Variants in HIF1AN observed in about 807,000 individuals in gnomAD.
HIF1AN encodes the protein hypoxia inducible factor 1 subunit alpha inhibitor.
HIF1AN carries 21 observed loss-of-function variants against 47.7 expected under a neutral mutation model. The ratio of observed to expected loss-of-function variants is 0.44; its 90% confidence interval spans 0.31 to 0.63. The LOEUF is 0.63. Among genes scored for constraint, HIF1AN ranks in the 30% least tolerant of loss-of-function variants. The pLI, the probability that HIF1AN is intolerant of heterozygous loss-of-function variation, is 0.07. For missense variants in HIF1AN, 320 were observed against 432.7 expected (o/e 0.74, Z 2.31); for synonymous variants, 152 against 155.9 (o/e 0.98, Z 0.18).
At position 100,558,000 on chromosome 10, in the gene HIF1AN, T is replaced by G. The variant is rs1369015133; in HGVS notation, c.*9863T>G. On this transcript the variant is annotated 3_prime_UTR_variant, in exon 8 of 8. Transcript: ENST00000299163. ...TCAGTTCTGTAAGAGGGAGCATGAG[T>G]GTGAATGGGGAAGAATCATGGAGAA... The G allele has an allele frequency of 1.3e-5, 2 of 151,808 alleles. No homozygotes were observed. The highest frequency in any genetic ancestry group is 2.9e-5 in the Non-Finnish European group (2 of 68,032). The allele number at this position is 151,808 out of a possible 1,614,324, so 9.4% of individuals were successfully genotyped here. A position where few individuals can be genotyped will look rare whatever the true frequency, so the allele number is the denominator to read the frequency against.
chr10:100,545,187 C>A, intron 4 of HIF1AN, 91 bp downstream of exon 4: 1 of 1,387,374 alleles, frequency 7.2e-7, no homozygotes, highest in Non-Finnish European at 9.9e-7. Context: ...TAGTGATATG[C>A]CAGGTTCGGA....
Position 100,548,395 on chromosome 10 carries a change from G to A in HIF1AN, c.*258G>A, listed in dbSNP as rs150259060. 1.6e-4 allele frequency: 70 copies of A among 449,292 alleles called. No homozygotes were observed. Among genetic ancestry groups the A allele is most frequent in the African/African-American group, 1.2e-3 (61 of 49,588 alleles). The allele number at this position is 449,292 out of a possible 1,614,324, so 27.8% of individuals were successfully genotyped here. On this transcript the variant is annotated 3_prime_UTR_variant, in exon 8 of 8. Transcript: ENST00000299163. ...CCCCCCGCCTAAAGTCCTGCATTCAGTGTGTGGAGTCCCAGCTTTTGGTTG... is the reference window on the plus strand; with the variant it reads ...CCCCCCGCCTAAAGTCCTGCATTCAATGTGTGGAGTCCCAGCTTTTGGTTG...
intron 3 of HIF1AN, among the ~76,000 whole-genome samples, chr10:100,541,005 G>A (rs1265222941): frequency 6.6e-6 from 1 of 151,438 alleles, no homozygotes; most frequent in Non-Finnish European, 1.5e-5. Flanking sequence ...ATGAGGTCAG[G>A]AGATGGAGAC....
chr10:100,547,996 G>T (rs1843110445), intron 7 of HIF1AN, 97 bp from the exon 8 acceptor site: 1 of 1,093,876 alleles, frequency 9.1e-7, no homozygotes, highest in Non-Finnish European at 1.4e-6. Flanking sequence ...CATTGTCTCT[G>T]TCCTTGGCTG....
intron 2 of HIF1AN, among the ~76,000 whole-genome samples, chr10:100,538,209 G>A (rs1434692863): frequency 1.3e-5 from 2 of 152,152 alleles, no homozygotes. Flanking sequence ...GAGTTTTCAA[G>A]GAAAATCTTT....
At position 100,540,838 on chromosome 10, in the gene HIF1AN, TC is replaced by T. The variant is rs1843019763; in HGVS notation, c.577+58del. On this transcript the variant is annotated intron_variant, in intron 3 of 7. Coordinates refer to ENST00000299163, the MANE Select transcript of HIF1AN (RefSeq NM_017902.3). ...GGAGTCATATGAACCTGATTTCTAA[TC>T]CTGTCTTCACCGCTTATTAGCTCCA... is the stretch of plus-strand genomic sequence containing the variant. The T allele has an allele frequency of 3.2e-5, 47 of 1,479,016 alleles. No individual in the cohort carries two copies. In the South Asian group the frequency reaches 5.7e-4, roughly 18 times the overall value. 91.6% of individuals were successfully genotyped at this position (1,479,016 alleles called of 1,614,324 possible).
intron 3 of HIF1AN, among the ~76,000 whole-genome samples, chr10:100,544,446 G>A (rs1163672904): frequency 6.6e-6 from 1 of 152,236 alleles, no homozygotes; most frequent in Non-Finnish European, 1.5e-5. Context: ...TAGGTGTATT[G>A]AAGTGGGAGG....
chr10:100,549,535 T>C lies in HIF1AN; in HGVS notation c.*1398T>C, dbSNP rs2133731672. The C allele has an allele frequency of 6.6e-6, 1 of 152,388 alleles. No homozygotes were observed. The highest frequency in any genetic ancestry group is 3.4e-3 in the Middle Eastern group (1 of 294). The allele number at this position is 152,388 out of a possible 1,614,324, so 9.4% of individuals were successfully genotyped here. Reference sequence around the variant, plus strand: ...CATGGAAGTCGAATTTCCTTTTCTGTTAGGAGCTACTCCTGGGAACCCCTC... The same window carrying C: ...CATGGAAGTCGAATTTCCTTTTCTGCTAGGAGCTACTCCTGGGAACCCCTC... On this transcript the variant is annotated 3_prime_UTR_variant, in exon 8 of 8. Coordinates refer to ENST00000299163, the MANE Select transcript of HIF1AN (RefSeq NM_017902.3).
Position 100,551,625 on chromosome 10 carries a change from A to C in HIF1AN, c.*3488A>C, listed in dbSNP as rs542391086. ...TACAAGCTATAAGGCAAAGAATAAC[A>C]GTGGAAAAGTTTTGACATGTGTTTG... On this transcript the variant is annotated 3_prime_UTR_variant, in exon 8 of 8. Coordinates refer to ENST00000299163, the MANE Select transcript of HIF1AN (RefSeq NM_017902.3). 6.6e-6 allele frequency: 1 copy of C among 152,356 alleles called. No homozygotes were observed. Among genetic ancestry groups the C allele is most frequent in the African/African-American group, 2.4e-5 (1 of 41,576 alleles). 9.4% of individuals were successfully genotyped at this position (152,356 alleles called of 1,614,324 possible).
In HIF1AN at chr10:100,556,357, TA is replaced by T. The variant is rs1175536133; in HGVS notation, c.*8224del. On this transcript the variant is annotated 3_prime_UTR_variant, in exon 8 of 8. Transcript: ENST00000299163. Reference sequence around the variant, plus strand: ...TTGGAGCTGCTGCTCCCCAAGGAGATAAAAGGACAGTTCCTAAAGAGGCATT... The same window carrying T: ...TTGGAGCTGCTGCTCCCCAAGGAGATAAAGGACAGTTCCTAAAGAGGCATT... 2 of 152,054 alleles carry T rather than the reference TA, an allele frequency of 1.3e-5. No individual in the cohort carries two copies. The highest frequency in any genetic ancestry group is 2.9e-5 in the Non-Finnish European group (2 of 68,020). The allele number at this position is 152,054 out of a possible 1,614,324, so 9.4% of individuals were successfully genotyped here.
rs1002706238 is a variant in HIF1AN at position 100,548,354 on chromosome 10, G to A, written c.*217G>A. ...TCATACCCTTGCCTCTTGTGCCCCAGCACCTTCTCTCTCTGCCCCCCGCCT... is the reference window on the plus strand; with the variant it reads ...TCATACCCTTGCCTCTTGTGCCCCAACACCTTCTCTCTCTGCCCCCCGCCT... On this transcript the variant is annotated 3_prime_UTR_variant, in exon 8 of 8. Transcript: ENST00000299163. 4.1e-6 allele frequency: 2 copies of A among 490,890 alleles called. No individual in the cohort carries two copies. The highest frequency in any genetic ancestry group is 2.0e-5 in the African/African-American group (1 of 50,128). The allele number at this position is 490,890 out of a possible 1,614,324, so 30.4% of individuals were successfully genotyped here. A position where few individuals can be genotyped will look rare whatever the true frequency, so the allele number is the denominator to read the frequency against.
In HIF1AN at chr10:100,554,038, A is replaced by G. The variant is rs912420270; in HGVS notation, c.*5901A>G. Reference sequence around the variant, plus strand: ...ACGAGAAACACCTTAGATAAACCATATTGAGTTGAGGGTAGACAGAAGAGT... The same window carrying G: ...ACGAGAAACACCTTAGATAAACCATGTTGAGTTGAGGGTAGACAGAAGAGT... On this transcript the variant is annotated 3_prime_UTR_variant, in exon 8 of 8. Transcript: ENST00000299163. The G allele has an allele frequency of 6.6e-6, 1 of 151,862 alleles. No individual in the cohort carries two copies. The highest frequency in any genetic ancestry group is 1.5e-5 in the Non-Finnish European group (1 of 67,850). The allele number at this position is 151,862 out of a possible 1,614,324, so 9.4% of individuals were successfully genotyped here.
In HIF1AN at chr10:100,554,198, T is replaced by C. The variant is rs563265300; in HGVS notation, c.*6061T>C. On this transcript the variant is annotated 3_prime_UTR_variant, in exon 8 of 8. Transcript: ENST00000299163. The stretch of plus-strand genomic sequence containing the variant: ...GAAGGTTTCAGGTCTGAGCTCCCCT[T>C]GCACTGTGTGAGAGGCCGTGGAGCC... The C allele has an allele frequency of 6.6e-6, 1 of 152,326 alleles. No individual in the cohort carries two copies. Among genetic ancestry groups the C allele is most frequent in the East Asian group, 1.9e-4 (1 of 5,170 alleles). The allele number at this position is 152,326 out of a possible 1,614,324, so 9.4% of individuals were successfully genotyped here. A position where few individuals can be genotyped will look rare whatever the true frequency, so the allele number is the denominator to read the frequency against.
In HIF1AN at chr10:100,557,569, C is replaced by G. The variant is rs1389879248; in HGVS notation, c.*9432C>G. The G allele has an allele frequency of 1.3e-5, 2 of 152,304 alleles. No homozygotes were observed. Among genetic ancestry groups the G allele is most frequent in the African/African-American group, 2.4e-5 (1 of 41,442 alleles). 9.4% of individuals were successfully genotyped at this position (152,304 alleles called of 1,614,324 possible). On this transcript the variant is annotated 3_prime_UTR_variant, in exon 8 of 8. Transcript: ENST00000299163. ...GTTCAAGCAATTCTGCCTCAGCCTCCCGAGTAGCTGGGACTCAGGCGTGCG... is the reference window on the plus strand; with the variant it reads ...GTTCAAGCAATTCTGCCTCAGCCTCGCGAGTAGCTGGGACTCAGGCGTGCG...
Position 100,548,234 on chromosome 10 carries a change from C to A in HIF1AN, c.*97C>A. 1.9e-6 allele frequency: 2 copies of A among 1,074,206 alleles called. No individual in the cohort carries two copies. The highest frequency in any genetic ancestry group is 2.7e-6 in the Non-Finnish European group (2 of 753,546). The allele number at this position is 1,074,206 out of a possible 1,614,324, so 66.5% of individuals were successfully genotyped here. ...AGACTCCAAGCGCTAGTATTGCACG[C>A]TGCACTTAATGGACTGGACTCTTGC... On this transcript the variant is annotated 3_prime_UTR_variant, in exon 8 of 8. Transcript: ENST00000299163.
intron 1 of HIF1AN, 72 bp from the exon 2 acceptor site, chr10:100,536,339 A>G: frequency 6.4e-7 from 1 of 1,559,298 alleles, no homozygotes; most frequent in Non-Finnish European, 8.8e-7. Context: ...AGTAGTTGGG[A>G]TCATGGAGGC....
chr10:100,547,384 G>A, intron 7 of HIF1AN, 134 bp downstream of exon 7: 1 of 601,378 alleles, frequency 1.7e-6, no homozygotes, highest in South Asian at 2.1e-5. Flanking sequence ...GGTATGTTCA[G>A]AAAAATTCTT....
Position 100,549,063 on chromosome 10 carries a change from T to C in HIF1AN, c.*926T>C, listed in dbSNP as rs562675953. ...CTCTGGGTGTGTGTGTGTGTGTGCG[T>C]GCGTGTGTGTGTGTGTGTCCGTGTG... is the stretch of plus-strand genomic sequence containing the variant. On this transcript the variant is annotated 3_prime_UTR_variant, in exon 8 of 8. Coordinates refer to ENST00000299163, the MANE Select transcript of HIF1AN (RefSeq NM_017902.3). 2.1e-3 allele frequency: 308 copies of C among 144,244 alleles called. No individual in the cohort carries two copies. Among genetic ancestry groups the C allele is most frequent in the African/African-American group, 8.4e-3 (286 of 34,196 alleles). 8.9% of individuals were successfully genotyped at this position (144,244 alleles called of 1,614,324 possible). A position where few individuals can be genotyped will look rare whatever the true frequency, so the allele number is the denominator to read the frequency against.
Position 100,548,463 on chromosome 10 carries a change from T to G in HIF1AN, c.*326T>G. 3.4e-6 allele frequency: 1 copy of G among 290,294 alleles called. No homozygotes were observed. The highest frequency in any genetic ancestry group is 6.5e-6 in the Non-Finnish European group (1 of 153,824). 18.0% of individuals were successfully genotyped at this position (290,294 alleles called of 1,614,324 possible). ...ATGTTAGTCTGTCAACTTCGGAATG[T>G]GTGCGTGTGTGTGCATGCACACGCA... On this transcript the variant is annotated 3_prime_UTR_variant, in exon 8 of 8. Coordinates refer to ENST00000299163, the MANE Select transcript of HIF1AN (RefSeq NM_017902.3).
Sources: allele counts gnomAD v4.1 joint callset (sites outside exome capture counted in the v4.1 genomes callset), GRCh38; gene constraint gnomAD v4.1.1; transcripts MANE v1.5; gene names NCBI Gene and HGNC (gene_info 2026-07-23, HGNC 2026-07-21).